The following NOL4 variants were observed in gnomAD, a reference collection of about 807,000 sequenced individuals.
NOL4 encodes cancer/testis antigen 125.
A neutral mutation model predicts 75.9 loss-of-function variants in NOL4; 17 were observed. The ratio of observed to expected loss-of-function variants is 0.22; its 90% CI spans 0.15 to 0.34. The LOEUF (loss-of-function observed/expected upper bound fraction) is 0.34. Among genes scored for constraint, NOL4 ranks in the 10% least tolerant of loss-of-function variants. NOL4 has a pLI of 1.00. For missense variants in NOL4, 614 were observed against 793.5 expected, an observed-to-expected ratio of 0.77 and a Z score of 2.72; for synonymous variants, 292 against 289.9, an observed-to-expected ratio of 1.01 and a Z score of -0.07.
chr18:34,084,977 T>C (rs1247848574), intron 5 of NOL4, among the ~76,000 whole-genome samples: 1 of 152,180 alleles, frequency 6.6e-6, no homozygotes, highest in Admixed American at 6.5e-5. Context: ...GAACACAGCA[T>C]GGTGTTCAGT....
intron 1 of NOL4, among the ~76,000 whole-genome samples, chr18:34,193,484 G>A (rs1023019367): frequency 1.3e-5 from 2 of 152,024 alleles, no homozygotes; most frequent in African/African-American, 4.8e-5. Context: ...TGAATATCAG[G>A]ATAACGCTCA....
At chr18:34,114,119 A>C (rs1178601203) in intron 2 of NOL4, among the ~76,000 whole-genome samples, 1 of 152,216 alleles carries the variant, frequency 6.6e-6, no homozygotes, top group South Asian at 2.1e-4. Flanking sequence ...AAAATACTAT[A>C]ATCATTCATA....
At position 34,034,083 on chromosome 18, in the gene NOL4, T is replaced by C. The variant is rs563602207; in HGVS notation, c.773-14482A>G. 6.6e-5 allele frequency among the ~76,000 whole-genome samples: 10 copies of C among 152,182 alleles called. No individual in the cohort carries two copies. In the East Asian group the frequency reaches 1.9e-3, roughly 29 times the overall value. ...AAAAGCGAAAGGACAGCATTTACCATCATGAAAACACGTTGTAACTAATAC... is the reference window on the plus strand; with the variant it reads ...AAAAGCGAAAGGACAGCATTTACCACCATGAAAACACGTTGTAACTAATAC... On this transcript the variant is annotated intron_variant, in intron 5 of 10. Transcript: ENST00000261592.
intron 1 of NOL4, among the ~76,000 whole-genome samples, chr18:34,145,226 T>C (rs2081348851): frequency 6.6e-6 from 1 of 152,070 alleles, no homozygotes; most frequent in African/African-American, 2.4e-5. Flanking sequence ...AATAGAGAAT[T>C]CAAACTAAGG....
At chr18:33,869,188 A>G (rs963526123) in intron 10 of NOL4, among the ~76,000 whole-genome samples, 21 of 151,942 alleles carry the variant, frequency 1.4e-4, no homozygotes, top group African/African-American at 5.1e-4. Context: ...ATAGAATACT[A>G]TAAATATAAG....
chr18:34,174,140 A>G (rs1360374638), intron 1 of NOL4, among the ~76,000 whole-genome samples: 1 of 152,178 alleles, frequency 6.6e-6, no homozygotes, highest in Non-Finnish European at 1.5e-5. Flanking sequence ...TTCAATGAGT[A>G]GTGTCCTACC....
chr18:34,140,614 G>T (rs1447065461), intron 1 of NOL4, among the ~76,000 whole-genome samples: 1 of 152,098 alleles, frequency 6.6e-6, no homozygotes, highest in Non-Finnish European at 1.5e-5. Context: ...GCACACTGAT[G>T]GGTCTTGACT....
chr18:34,119,218 T>C (rs1041077778), intron 2 of NOL4, among the ~76,000 whole-genome samples: 1 of 152,168 alleles, frequency 6.6e-6, no homozygotes, highest in African/African-American at 2.4e-5. Flanking sequence ...TGCTTCGGAA[T>C]CCTAACTACT....
intron 6 of NOL4, among the ~76,000 whole-genome samples, chr18:33,985,369 G>A (rs1360920472): frequency 6.6e-6 from 1 of 152,048 alleles, no homozygotes; most frequent in Admixed American, 6.6e-5. Context: ...GCACATAATT[G>A]TGAGTTTCTA....
chr18:33,931,814 C>T (rs149849917), intron 9 of NOL4, among the ~76,000 whole-genome samples: 3 of 152,026 alleles, frequency 2.0e-5, no homozygotes, highest in Admixed American at 2.0e-4. Context: ...TTTTCTGAGC[C>T]TAAAACATAA....
chr18:34,136,620 T>C (rs2080903727), intron 1 of NOL4, among the ~76,000 whole-genome samples: 1 of 152,256 alleles, frequency 6.6e-6, no homozygotes, highest in Non-Finnish European at 1.5e-5. Flanking sequence ...ATAATTTAGA[T>C]ATAATGTTAA....
chr18:33,937,885 T>C (rs1035243841), intron 9 of NOL4, among the ~76,000 whole-genome samples: 17 of 152,138 alleles, frequency 1.1e-4, no homozygotes, highest in African/African-American at 4.1e-4. Context: ...TAGCCTTTTT[T>C]AGGCTGATAT....
At chr18:33,873,990 G>C (rs918123793) in intron 10 of NOL4, among the ~76,000 whole-genome samples, 3 of 151,856 alleles carry the variant, frequency 2.0e-5, no homozygotes, top group African/African-American at 7.2e-5. Flanking sequence ...CCAGAGACAG[G>C]TAATAGTATG....
chr18:34,074,803 A>C (rs2077675798), intron 5 of NOL4, among the ~76,000 whole-genome samples: 1 of 152,066 alleles, frequency 6.6e-6, no homozygotes, highest in African/African-American at 2.4e-5. Flanking sequence ...TCCAATACAA[A>C]ATGGTTTTAC....
At chr18:34,140,480 T>G (rs1301489647) in intron 1 of NOL4, among the ~76,000 whole-genome samples, 1 of 152,194 alleles carries the variant, frequency 6.6e-6, no homozygotes, top group Non-Finnish European at 1.5e-5. Flanking sequence ...AGGTCTGTTT[T>G]ATCAGAGACT....
chr18:33,876,224 T>C (rs1012599869), intron 10 of NOL4, among the ~76,000 whole-genome samples: 1 of 152,008 alleles, frequency 6.6e-6, no homozygotes, highest in Non-Finnish European at 1.5e-5. Context: ...TCTGCATGGA[T>C]AGTGTTATTT....
At chr18:33,857,907 A>T (rs192477418) in intron 10 of NOL4, among the ~76,000 whole-genome samples, 4 of 152,228 alleles carry the variant, frequency 2.6e-5, no homozygotes, top group Admixed American at 2.6e-4. Flanking sequence ...ATTGTATTGA[A>T]TTAGTTTTTT....
intron 6 of NOL4, among the ~76,000 whole-genome samples, chr18:33,992,395 T>A (rs1041312524): frequency 3.3e-5 from 5 of 152,022 alleles, no homozygotes; most frequent in Non-Finnish European, 5.9e-5. Context: ...TGTAGACCCA[T>A]ACCTCAGCAA....
intron 1 of NOL4, among the ~76,000 whole-genome samples, chr18:34,210,384 C>T (rs1430335903): frequency 2.0e-5 from 3 of 152,092 alleles, no homozygotes; most frequent in African/African-American, 7.2e-5. Flanking sequence ...TATTTTGAGT[C>T]TTTGTAATGC....
Sources: allele counts gnomAD v4.1 joint callset (sites outside exome capture counted in the v4.1 genomes callset), GRCh38; gene constraint gnomAD v4.1.1; transcripts MANE v1.5; gene names NCBI Gene and HGNC (gene_info 2026-07-23, HGNC 2026-07-21).